Variants in CDCA2 observed in about 807,000 individuals in gnomAD.
The protein encoded by CDCA2 is cell division cycle associated 2, also known as cell division cycle-associated protein 2.
A neutral mutation model predicts 67.0 loss-of-function variants in CDCA2; 44 were observed. The ratio of observed to expected loss-of-function variants is 0.66; its 90% CI spans 0.52 to 0.84. The LOEUF is 0.84. Among genes scored for constraint, CDCA2 ranks in the 40% least tolerant of loss-of-function variants. CDCA2 has a pLI of 0.00. For missense variants in CDCA2, 1,253 were observed against 1,203.2 expected, an observed-to-expected ratio of 1.04 and a Z score of -0.61; for synonymous variants, 447 against 418.7, an observed-to-expected ratio of 1.07 and a Z score of -0.82.
chr8:25,486,324 T>C (rs534365144), intron 11 of CDCA2, among the ~76,000 whole-genome samples: 10 of 152,318 alleles, frequency 6.6e-5, no homozygotes, highest in Admixed American at 5.9e-4. Context: ...GCAGGTGTCA[T>C]GGGCCAGGCA....
chr8:25,476,750 C>T (rs1349319269), intron 7 of CDCA2, among the ~76,000 whole-genome samples: 1 of 151,950 alleles, frequency 6.6e-6, no homozygotes, highest in African/African-American at 2.4e-5. Flanking sequence ...GATGCTGTCT[C>T]ACCATGTTGG....
intron 2 of CDCA2, 28 bp downstream of exon 2, chr8:25,460,328 G>A: frequency 6.2e-7 from 1 of 1,614,150 alleles, no homozygotes; most frequent in Non-Finnish European, 8.5e-7. Context: ...TCCTTGTGAA[G>A]TTGAAGGTTT....
intron 13 of CDCA2, among the ~76,000 whole-genome samples, chr8:25,493,579 T>C (rs1300813855): frequency 6.7e-6 from 1 of 148,878 alleles, no homozygotes; most frequent in African/African-American, 2.4e-5. Context: ...GCTTCTAAAT[T>C]ACTTAGAAAG....
rs1257753334 is a variant in CDCA2 at position 25,487,234 on chromosome 8, CTTGT to C, written c.1445-9_1445-6del. 3.2e-6 allele frequency: 5 copies of C among 1,586,710 alleles called. No homozygotes were observed. The highest frequency in any genetic ancestry group is 2.7e-5 in the African/African-American group (2 of 74,386). ...TTTCCTACCCTGATTTAGCTTTTGT[CTTGT>C]TTATCAGGCACTGATACCTTTAGTT... On this transcript the variant is annotated splice_region_variant and splice_polypyrimidine_tract_variant and intron_variant, in intron 11 of 14. Transcript: ENST00000330560.
At chr8:25,483,253 C>A in intron 8 of CDCA2, 146 bp from the exon 9 acceptor site, 1 of 465,112 alleles carries the variant, frequency 2.2e-6, no homozygotes, top group Non-Finnish European at 3.7e-6. Context: ...TGGTTTTGAG[C>A]CAGAACAATT....
At chr8:25,472,877 ACTCT>A (rs768323717) in intron 7 of CDCA2, among the ~76,000 whole-genome samples, 1 of 152,018 alleles carries the variant, frequency 6.6e-6, no homozygotes, top group African/African-American at 2.4e-5. Context: ...TTTGAAAATT[ACTCT>A]CTTAGTTATT....
At position 25,460,466 on chromosome 8, in the gene CDCA2, A is replaced by G; in HGVS notation, c.144A>G (p.Pro48=). ...AATTACCTCCTAATCCTTGCACACC[A>G]GATACTTTTAAATCACCTTTGAACT... ...HAELPPNPCT[P]DTFKSPLNFS... is the part of the protein sequence containing the mutation. Residue 48 remains proline, a synonymous_variant, in exon 3 of 15, where the codon CCA becomes CCG. Coordinates refer to ENST00000330560, the MANE Select transcript of CDCA2 (RefSeq NM_152562.4). The G allele has an allele frequency of 6.2e-7, 1 of 1,614,206 alleles. No individual in the cohort carries two copies. The highest frequency in any genetic ancestry group is 2.2e-5 in the East Asian group (1 of 44,878).
At chr8:25,496,149 T>G (rs1563280924) in intron 13 of CDCA2, among the ~76,000 whole-genome samples, 1 of 151,986 alleles carries the variant, frequency 6.6e-6, no homozygotes, top group African/African-American at 2.4e-5. Flanking sequence ...GGAAGGATGC[T>G]AAAAAAAACT....
intron 7 of CDCA2, among the ~76,000 whole-genome samples, chr8:25,477,376 C>G (rs149212344): frequency 2.0e-4 from 31 of 152,224 alleles, no homozygotes; most frequent in African/African-American, 7.0e-4. Flanking sequence ...TGAATGCCCC[C>G]CCTCGACCTT....
At position 25,477,416 on chromosome 8, in the gene CDCA2, A is replaced by G. The variant is rs540656862; in HGVS notation, c.821-2497A>G. Among the ~76,000 whole-genome samples, 93 of 152,212 alleles carry G rather than the reference A, an allele frequency of 6.1e-4. 1 individual carries two copies. Among genetic ancestry groups the G allele is most frequent in the African/African-American group, 2.2e-3 (90 of 41,510 alleles). On this transcript the variant is annotated intron_variant, in intron 7 of 14. Coordinates refer to ENST00000330560, the MANE Select transcript of CDCA2 (RefSeq NM_152562.4). Reference sequence around the variant, plus strand: ...TTCGGTGCTTGGACCTTTTGTCTCTATATACAGGTTGAGCATCTGTAAGCC... The same window carrying G: ...TTCGGTGCTTGGACCTTTTGTCTCTGTATACAGGTTGAGCATCTGTAAGCC...
Position 25,470,041 on chromosome 8 carries a change from G to A in CDCA2, c.820+61G>A, listed in dbSNP as rs188480168. ...CGATTCATAGACATTTATGATTAGT[G>A]TACCTATTTGCTAAAATTTGGGGGA... On this transcript the variant is annotated intron_variant, in intron 7 of 14. Coordinates refer to ENST00000330560, the MANE Select transcript of CDCA2 (RefSeq NM_152562.4). 2.4e-5 allele frequency: 28 copies of A among 1,148,400 alleles called. No homozygotes were observed. In the African/African-American group the frequency reaches 3.1e-4, roughly 13 times the overall value. The allele number at this position is 1,148,400 out of a possible 1,614,324, so 71.1% of individuals were successfully genotyped here. A position where few individuals can be genotyped will look rare whatever the true frequency, so the allele number is the denominator to read the frequency against.
At chr8:25,476,251 G>C (rs929014748) in intron 7 of CDCA2, among the ~76,000 whole-genome samples, 1 of 152,212 alleles carries the variant, frequency 6.6e-6, no homozygotes, top group East Asian at 1.9e-4. Context: ...CATCACTCCA[G>C]TGTTTTTGTT....
intron 7 of CDCA2, chr8:25,472,222 A>T (rs1803183579): frequency 6.6e-6 from 1 of 150,800 alleles, no homozygotes; most frequent in African/African-American, 2.4e-5. Context: ...TTTACCTCAA[A>T]TGGTTCTGTG....
intron 13 of CDCA2, among the ~76,000 whole-genome samples, chr8:25,493,761 A>G (rs1441882066): frequency 6.6e-6 from 1 of 152,086 alleles, no homozygotes; most frequent in African/African-American, 2.4e-5. Context: ...TTGACAGCAT[A>G]CTCACGTGGT....
At chr8:25,460,821 A>C (rs1943434769) in intron 3 of CDCA2, among the ~76,000 whole-genome samples, 1 of 152,182 alleles carries the variant, frequency 6.6e-6, no homozygotes, top group African/African-American at 2.4e-5. Context: ...TGTGTGTGTG[A>C]GTCACTTTTT....
chr8:25,473,023 T>C (rs1271626773), intron 7 of CDCA2, among the ~76,000 whole-genome samples: 1 of 152,222 alleles, frequency 6.6e-6, no homozygotes, highest in Admixed American at 6.5e-5. Flanking sequence ...TCACCACTTC[T>C]ACAGCCTCTG....
Position 25,484,160 on chromosome 8 carries a change from G to A in CDCA2, c.1315G>A (p.Val439Ile). The stretch of plus-strand genomic sequence containing the variant: ...TTCCCTGCTGCTTGAGCAGTCACCT[G>A]TTCCTGAGCCATTACCTCAACCAGA... ...LSSLLLEQSP[V>I]PEPLPQPDFD... Residue 439 changes from valine to isoleucine, a missense_variant, in exon 10 of 15, where the codon GTT becomes ATT. Coordinates refer to ENST00000330560, the MANE Select transcript of CDCA2 (RefSeq NM_152562.4). 1.9e-6 allele frequency: 3 copies of A among 1,614,190 alleles called. No homozygotes were observed. The highest frequency in any genetic ancestry group is 2.5e-6 in the Non-Finnish European group (3 of 1,180,030).
chr8:25,463,632 C>T (rs1162847296), intron 4 of CDCA2, among the ~76,000 whole-genome samples: 9 of 152,054 alleles, frequency 5.9e-5, no homozygotes, highest in South Asian at 2.1e-4. Context: ...TAATGTTGTA[C>T]GTGTGTTGTG....
intron 7 of CDCA2, chr8:25,479,551 T>G (rs1177701101): frequency 3.7e-6 from 1 of 269,740 alleles, no homozygotes; most frequent in Non-Finnish European, 7.2e-6. Context: ...TAGTCAATGC[T>G]TGGCTCAGAT....
Sources: gnomAD v4.1 joint callset for allele counts (sites outside exome capture counted in the v4.1 genomes callset) on GRCh38, gnomAD v4.1.1 for gene constraint, MANE v1.5 for transcripts, NCBI Gene and HGNC (gene_info 2026-07-23, HGNC 2026-07-21) for gene names.